Variants in ESR2 observed in about 807,000 individuals in gnomAD.
The protein encoded by ESR2 is estrogen receptor 2.
A neutral mutation model predicts 49.6 loss-of-function variants in ESR2; 36 were observed. That is an observed-to-expected ratio of 0.73 (90% CI 0.56 to 0.96). The LOEUF (loss-of-function observed/expected upper bound fraction) is 0.96. ESR2 is among the 40% of genes least tolerant of loss of function. ESR2 has a pLI of 0.00. For synonymous variants in ESR2, 320 were observed against 266.1 expected (o/e 1.20, Z -1.97); for missense variants, 714 against 693.0 (o/e 1.03, Z -0.34).
intron 1 of ESR2, among the ~76,000 whole-genome samples, chr14:64,283,798 AG>A (rs2076734358): frequency 6.7e-6 from 1 of 150,134 alleles, no homozygotes. Context: ...TTCCGAAAAA[AG>A]TTTTTAAAAG....
At chr14:64,304,582 T>A (rs973061416) in intron 1 of ESR2, among the ~76,000 whole-genome samples, 4 of 152,128 alleles carry the variant, frequency 2.6e-5, no homozygotes, top group African/African-American at 7.2e-5. Flanking sequence ...AAAAGTAAAT[T>A]AAAACCTGCG....
In ESR2 at chr14:64,228,946, GTTTTCA is replaced by G. The variant is rs1365925385; in HGVS notation, c.*4185_*4190del. ...GAGCTATAAAGAATAAGTGGCACGTGTTTTCACACTGTAGTATATCACACTCCACAG... is the reference window on the plus strand; with the variant it reads ...GAGCTATAAAGAATAAGTGGCACGTGCACTGTAGTATATCACACTCCACAG... On this transcript the variant is annotated 3_prime_UTR_variant, in exon 9 of 9. Coordinates refer to ENST00000341099, the MANE Select transcript of ESR2 (RefSeq NM_001437.3). Among the ~76,000 whole-genome samples, 1 of 152,152 alleles carries G rather than the reference GTTTTCA, an allele frequency of 6.6e-6. No homozygotes were observed. Among genetic ancestry groups the G allele is most frequent in the Non-Finnish European group, 1.5e-5 (1 of 68,026 alleles).
rs1414263985 is a variant in ESR2 at position 64,249,585 on chromosome 14, C to T, written c.1186G>A (p.Glu396Lys). The part of the protein sequence containing the change: ...RFRELKLQHK[E>K]YLCVKAMILL... ...ATCATGGCCTTGACACAGAGATATT[C>T]TTTGTGTTGGAGTTTTAACTCTCGA... The change falls in exon 7 of 9, where the codon GAA becomes AAA. Residue 396 changes from glutamate (E) to lysine (K), a missense_variant. Transcript: ENST00000341099. The T allele has an allele frequency of 2.5e-6, 4 of 1,613,976 alleles. No homozygotes were observed. In the South Asian group the frequency reaches 3.3e-5, roughly 13 times the overall value.
In ESR2 at chr14:64,257,217, T is replaced by G. The variant is rs1235553004; in HGVS notation, c.1091+9A>C. 1 of 1,613,878 alleles carries G rather than the reference T, an allele frequency of 6.2e-7. No homozygotes were observed. The highest frequency in any genetic ancestry group is 8.5e-7 in the Non-Finnish European group (1 of 1,179,896). On this transcript the variant is annotated intron_variant, in intron 6 of 8. Coordinates refer to ENST00000341099, the MANE Select transcript of ESR2 (RefSeq NM_001437.3). Reference sequence around the variant, plus strand: ...AGTCAGAGAAGAAACACAATGTATTTTTTCTCACCTGTCCAGAACAAGATC... The same window carrying G: ...AGTCAGAGAAGAAACACAATGTATTGTTTCTCACCTGTCCAGAACAAGATC...
In ESR2 at chr14:64,261,232, C is replaced by CTTTTTTTTTTTTTTTTTTTTTTTTTT. The variant is rs374264697; in HGVS notation, c.653-485_653-484insAAAAAAAAAAAAAAAAAAAAAAAAAA. ...CAGTCTTTTTAATGCTTTTATTTTT[C>CTTTTTTTTTTTTTTTTTTTTTTTTTT]TTTTTTCTTTTTTTTTTTTTTTTGA... On this transcript the variant is annotated intron_variant, in intron 4 of 8. Transcript: ENST00000341099. Among the ~76,000 whole-genome samples the CTTTTTTTTTTTTTTTTTTTTTTTTTT allele has an allele frequency of 1.0e-4, 9 of 88,682 alleles. 3 individuals are homozygous for CTTTTTTTTTTTTTTTTTTTTTTTTTT. Among genetic ancestry groups the CTTTTTTTTTTTTTTTTTTTTTTTTTT allele is most frequent in the Non-Finnish European group, 1.4e-4 (7 of 48,628 alleles). 58.2% of individuals were successfully genotyped at this position (88,682 alleles called of 152,430 possible).
At chr14:64,256,955 T>A (rs944659265) in intron 6 of ESR2, among the ~76,000 whole-genome samples, 17 of 152,140 alleles carry the variant, frequency 1.1e-4, no homozygotes, top group Non-Finnish European at 2.2e-4. Flanking sequence ...ATACACATAG[T>A]GGCCACATAC....
chr14:64,282,592 C>T, intron 2 of ESR2, 32 bp downstream of exon 2: 1 of 1,550,104 alleles, frequency 6.5e-7, no homozygotes, highest in Non-Finnish European at 8.7e-7. Flanking sequence ...AAATGGCTAG[C>T]AACTATAATT....
chr14:64,259,323 C>A (rs1354611050), intron 5 of ESR2, among the ~76,000 whole-genome samples: 4 of 152,236 alleles, frequency 2.6e-5, no homozygotes, highest in African/African-American at 7.2e-5. Flanking sequence ...TTACCCAAAA[C>A]TTCTCTTCCC....
chr14:64,285,582 C>T (rs763482034), intron 1 of ESR2, among the ~76,000 whole-genome samples: 17 of 152,038 alleles, frequency 1.1e-4, no homozygotes, highest in Non-Finnish European at 2.2e-4. Context: ...AATCTCAGCA[C>T]TTTGGGAGGC....
intron 1 of ESR2, among the ~76,000 whole-genome samples, chr14:64,323,067 C>T (rs937530484): frequency 1.3e-5 from 2 of 152,164 alleles, no homozygotes; most frequent in African/African-American, 4.8e-5. Context: ...CACCATTACC[C>T]TTTATATATG....
chr14:64,294,937 T>C (rs916104664), upstream of ESR2, among the ~76,000 whole-genome samples: 1 of 152,220 alleles, frequency 6.6e-6, no homozygotes, highest in South Asian at 2.1e-4. Flanking sequence ...TCACTTGAAG[T>C]GGCACCGGGG....
chr14:64,262,918 A>G (rs2076251221), intron 4 of ESR2, among the ~76,000 whole-genome samples: 1 of 152,202 alleles, frequency 6.6e-6, no homozygotes, highest in Non-Finnish European at 1.5e-5. Context: ...CTCAAAAGAT[A>G]AAAGGGAATT....
At chr14:64,322,813 G>A (rs764605284) in intron 1 of ESR2, among the ~76,000 whole-genome samples, 32 of 152,116 alleles carry the variant, frequency 2.1e-4, no homozygotes, top group Admixed American at 5.2e-4. Flanking sequence ...GCACCAGTGT[G>A]GAAGGATATA....
intron 6 of ESR2, among the ~76,000 whole-genome samples, chr14:64,253,604 G>GTGTGTGTATATA (rs375688515): frequency 1.0e-4 from 15 of 142,910 alleles, no homozygotes; most frequent in Middle Eastern, 3.5e-3. Context: ...GTGTGTGTGT[G>GTGTGTGTATATA]TATGTATGTG....
intron 3 of ESR2, 22 bp from the exon 4 acceptor site, chr14:64,268,933 A>G (rs1250044234): frequency 7.6e-7 from 1 of 1,321,746 alleles, no homozygotes; most frequent in Non-Finnish European, 1.1e-6. Context: ...TGGGAGGGAA[A>G]AAAAGATTAT....
intron 1 of ESR2, among the ~76,000 whole-genome samples, chr14:64,326,568 T>C (rs980605217): frequency 2.0e-5 from 3 of 152,216 alleles, no homozygotes; most frequent in African/African-American, 7.2e-5. Context: ...CTATGCTCAA[T>C]GACATGTTGG....
At chr14:64,287,986 T>C (rs1484972968) in intron 1 of ESR2, among the ~76,000 whole-genome samples, 2 of 152,210 alleles carry the variant, frequency 1.3e-5, no homozygotes, top group African/African-American at 4.8e-5. Context: ...TACCCAGACA[T>C]CCTGATTCTA....
chr14:64,285,563 A>G (rs1039838143), intron 1 of ESR2, among the ~76,000 whole-genome samples: 8 of 151,858 alleles, frequency 5.3e-5, no homozygotes, highest in Non-Finnish European at 1.0e-4. Context: ...AAGTAAAGTC[A>G]ATGCCTGTAA....
In ESR2 at chr14:64,229,060, C is replaced by T. The variant is rs1272205473; in HGVS notation, c.*4077G>A. Among the ~76,000 whole-genome samples the T allele has an allele frequency of 6.6e-6, 1 of 152,164 alleles. No homozygotes were observed. The highest frequency in any genetic ancestry group is 1.5e-5 in the Non-Finnish European group (1 of 68,024). ...ATTCCACGTGTTTGGGGAAAGCAGT[C>T]ACAGACAGGAGGTGATCACAGTACC... On this transcript the variant is annotated 3_prime_UTR_variant, in exon 9 of 9. Transcript: ENST00000341099.
Sources: gnomAD v4.1 joint callset for allele counts (sites outside exome capture counted in the v4.1 genomes callset) on GRCh38, gnomAD v4.1.1 for gene constraint, MANE v1.5 for transcripts, NCBI Gene and HGNC (gene_info 2026-07-23, HGNC 2026-07-21) for gene names.